The following RBFOX1 variants were observed in gnomAD, a reference collection of about 807,000 sequenced individuals.
RBFOX1 encodes the protein RNA binding protein fox-1 homolog 1.
RBFOX1 carries 8 observed loss-of-function variants against 57.7 expected under a neutral mutation model. The observed-to-expected ratio is 0.14, with a 90% CI of 0.08 to 0.25. The LOEUF is 0.25. Among genes scored for constraint, RBFOX1 ranks in the 10% least tolerant of loss-of-function variants. The pLI is 1.00. For missense variants in RBFOX1, 611 were observed against 548.5 expected, an observed-to-expected ratio of 1.11 and a Z score of -1.14; for synonymous variants, 326 against 222.4, an observed-to-expected ratio of 1.47 and a Z score of -4.15.
intron 5 of RBFOX1, among the ~76,000 whole-genome samples, chr16:7,567,860 T>G (rs907955734): frequency 2.2e-5 from 3 of 136,790 alleles, no homozygotes; most frequent in Non-Finnish European, 3.1e-5. Context: ...TATATCCATA[T>G]ATATACCTCT....
At chr16:6,681,318 GA>G (rs112061600) in intron 3 of RBFOX1, among the ~76,000 whole-genome samples, 1 of 151,222 alleles carries the variant, frequency 6.6e-6, no homozygotes, top group Non-Finnish European at 1.5e-5. Context: ...AGCCTGTCTG[GA>G]AAAAAAACAA....
At chr16:7,511,137 C>A (rs2152051235) in intron 4 of RBFOX1, among the ~76,000 whole-genome samples, 1 of 152,280 alleles carries the variant, frequency 6.6e-6, no homozygotes, top group Non-Finnish European at 1.5e-5. Flanking sequence ...ACTTTGCCTT[C>A]TCAGTGAAAG....
chr16:5,733,293 A>G (rs1352326982), intron 3 of RBFOX1, among the ~76,000 whole-genome samples: 1 of 152,144 alleles, frequency 6.6e-6, no homozygotes, highest in Non-Finnish European at 1.5e-5. Flanking sequence ...GACTTCCACA[A>G]AGACCTCGTA....
chr16:6,886,717 C>T (rs549921934), intron 3 of RBFOX1, among the ~76,000 whole-genome samples: 23 of 150,164 alleles, frequency 1.5e-4, no homozygotes, highest in African/African-American at 3.9e-4. Flanking sequence ...ATCGCACCAC[C>T]GCACTCCAGC....
intron 3 of RBFOX1, among the ~76,000 whole-genome samples, chr16:5,743,217 T>C (rs1471436936): frequency 1.3e-5 from 2 of 152,164 alleles, no homozygotes; most frequent in Non-Finnish European, 2.9e-5. Context: ...TCTGAACAAA[T>C]AGAAGGCAGA....
intron 4 of RBFOX1, among the ~76,000 whole-genome samples, chr16:7,480,642 G>A (rs1567406071): frequency 6.6e-6 from 1 of 152,134 alleles, no homozygotes; most frequent in Non-Finnish European, 1.5e-5. Context: ...CCTTGGTGCC[G>A]CATGAGCAAG....
At chr16:6,759,339 C>CGG (rs1168542370) in intron 3 of RBFOX1, among the ~76,000 whole-genome samples, 1 of 151,960 alleles carries the variant, frequency 6.6e-6, no homozygotes, top group Non-Finnish European at 1.5e-5. Context: ...TTAGTAGAGA[C>CGG]AGTGTTTAGT....
At chr16:6,007,848 A>G (rs191366217) in intron 4 of RBFOX1, among the ~76,000 whole-genome samples, 1 of 152,186 alleles carries the variant, frequency 6.6e-6, no homozygotes, top group African/African-American at 2.4e-5. Flanking sequence ...CCGTGGGGAC[A>G]TTGATGACAT....
intron 4 of RBFOX1, among the ~76,000 whole-genome samples, chr16:7,251,566 G>A (rs1344513491): frequency 2.0e-5 from 3 of 151,644 alleles, no homozygotes; most frequent in Non-Finnish European, 4.4e-5. Flanking sequence ...GTCTCCCCTC[G>A]CCGCCATCAA....
chr16:7,464,287 C>T (rs1021675532), intron 4 of RBFOX1, among the ~76,000 whole-genome samples: 4 of 152,258 alleles, frequency 2.6e-5, no homozygotes, highest in East Asian at 1.9e-4. Context: ...CAGTAGGAGC[C>T]AGTGACATTA....
intron 2 of RBFOX1, among the ~76,000 whole-genome samples, chr16:6,642,195 G>GAAGC: frequency 6.6e-6 from 1 of 152,166 alleles, no homozygotes; most frequent in Admixed American, 6.6e-5. Context: ...TCTCTTCGGT[G>GAAGC]CTGTATTTTT....
chr16:7,352,336 G>A (rs918072071), intron 4 of RBFOX1, among the ~76,000 whole-genome samples: 13 of 152,202 alleles, frequency 8.5e-5, no homozygotes, highest in Admixed American at 5.9e-4. Flanking sequence ...GCCTGATGAT[G>A]ACCAAGTCGG....
chr16:7,395,706 C>A (rs569601169), intron 4 of RBFOX1, among the ~76,000 whole-genome samples: 21 of 152,316 alleles, frequency 1.4e-4, no homozygotes, highest in Middle Eastern at 3.4e-3. Flanking sequence ...CTTGCAAATG[C>A]TCTATGAATA....
chr16:6,934,855 G>A (rs1397394363), intron 3 of RBFOX1, among the ~76,000 whole-genome samples: 2 of 152,122 alleles, frequency 1.3e-5, no homozygotes, highest in Non-Finnish European at 2.9e-5. Context: ...GAAGGCCGAG[G>A]CTGGCAGATG....
chr16:6,931,341 A>AT (rs201396857), intron 3 of RBFOX1, among the ~76,000 whole-genome samples: 3,437 of 72,544 alleles, frequency 0.047, 48 homozygotes, highest in African/African-American at 0.088. Context: ...ATCTATCTCT[A>AT]CACACACACA....
chr16:6,264,393 T>C (rs947699500), intron 1 of RBFOX1, among the ~76,000 whole-genome samples: 5 of 152,212 alleles, frequency 3.3e-5, no homozygotes, highest in African/African-American at 1.2e-4. Context: ...TGCCCTTAAA[T>C]AGTCATTGCA....
At chr16:7,617,097 G>A (rs1402019559) in intron 10 of RBFOX1, among the ~76,000 whole-genome samples, 3 of 152,138 alleles carry the variant, frequency 2.0e-5, no homozygotes, top group Non-Finnish European at 4.4e-5. Flanking sequence ...TAGCTTGACT[G>A]TAAGAAAACC....
chr16:6,025,497 A>G (rs1005499389), intron 1 of RBFOX1, among the ~76,000 whole-genome samples: 1 of 152,182 alleles, frequency 6.6e-6, no homozygotes, highest in African/African-American at 2.4e-5. Context: ...AGGCAACATC[A>G]TGTGTTCTTG....
intron 1 of RBFOX1, among the ~76,000 whole-genome samples, chr16:5,283,633 T>G (rs1413110023): frequency 6.6e-6 from 1 of 152,242 alleles, no homozygotes; most frequent in African/African-American, 2.4e-5. Context: ...GGGATTTTAC[T>G]GCCGCACTGG....
Sources: allele counts gnomAD v4.1 joint callset (sites outside exome capture counted in the v4.1 genomes callset), GRCh38; gene constraint gnomAD v4.1.1; transcripts MANE v1.5; gene names NCBI Gene and HGNC (gene_info 2026-07-23, HGNC 2026-07-21).